Variants in ARL8A observed in about 807,000 individuals in gnomAD.
The protein encoded by ARL8A is ARF like GTPase 8A.
In ARL8A, 10 loss-of-function variants were observed where a neutral mutation model predicts 31.2. The ratio of observed to expected loss-of-function variants is 0.32; its 90% CI spans 0.20 to 0.54. The LOEUF is 0.54. Among genes scored for constraint, ARL8A ranks in the 20% least tolerant of loss-of-function variants. The pLI, the probability that ARL8A is intolerant of heterozygous loss-of-function variation, is 0.93. For missense variants in ARL8A, 129 were observed against 242.8 expected (o/e 0.53, Z 3.12); for synonymous variants, 70 against 86.9 (o/e 0.81, Z 1.08).
In ARL8A at chr1:202,135,450, C is replaced by T; in HGVS notation, c.440+9G>A. Reference sequence around the variant, plus strand: ...AGAGCAGAAAGTAATATAGAGTCACCCAACTCACATTTTCTCAATCAGCTC... The same window carrying T: ...AGAGCAGAAAGTAATATAGAGTCACTCAACTCACATTTTCTCAATCAGCTC... On this transcript the variant is annotated intron_variant, in intron 5 of 6. Transcript: ENST00000272217. This position sits in a 1 kb window ranked among gnomAD's most constrained non-coding sequence, Gnocchi z 5.3. 1 of 1,613,646 alleles carries T rather than the reference C, an allele frequency of 6.2e-7. No homozygotes were observed. The highest frequency in any genetic ancestry group is 8.5e-7 in the Non-Finnish European group (1 of 1,179,638).
In ARL8A at chr1:202,134,147, G is replaced by A. The variant is rs950766362; in HGVS notation, c.*320C>T. The A allele has an allele frequency of 1.2e-4, 49 of 397,204 alleles. 1 individual carries two copies. Among genetic ancestry groups the A allele is most frequent in the Middle Eastern group, 7.4e-4 (1 of 1,348 alleles). 24.6% of individuals were successfully genotyped at this position (397,204 alleles called of 1,614,324 possible). A position where few individuals can be genotyped will look rare whatever the true frequency, so the allele number is the denominator to read the frequency against. On this transcript the variant is annotated 3_prime_UTR_variant, in exon 7 of 7. Coordinates refer to ENST00000272217, the MANE Select transcript of ARL8A (RefSeq NM_138795.4). This position sits in a 1 kb window ranked among gnomAD's most constrained non-coding sequence, Gnocchi z 4.2. ...GGACAATAACAGAGAGTGTTGAAAA[G>A]GGAGGTACAAGAGCGGGCCGGGGAA...
At chr1:202,139,518 A>T (rs1387470383) in intron 1 of ARL8A, among the ~76,000 whole-genome samples, 1 of 149,052 alleles carries the variant, frequency 6.7e-6, no homozygotes, top group Non-Finnish European at 1.5e-5. Context: ...GGTTGCAGTG[A>T]GCCGAGATCA....
chr1:202,140,812 C>T (rs1263699597), intron 1 of ARL8A, among the ~76,000 whole-genome samples: 1 of 152,164 alleles, frequency 6.6e-6, no homozygotes, highest in Non-Finnish European at 1.5e-5. Flanking sequence ...TACCCCATCC[C>T]CAACAATAGA....
chr1:202,134,529 A>C lies in ARL8A; in HGVS notation c.512-13T>G, dbSNP rs1320058512. 1.2e-6 allele frequency: 2 copies of C among 1,611,454 alleles called. No individual in the cohort carries two copies. Among genetic ancestry groups the C allele is most frequent in the African/African-American group, 2.7e-5 (2 of 74,806 alleles). ...TGTAGGGTGATGTCTGATAGGAGAA[A>C]AGAGAACAGCTTATAAGGCCTGCAA... On this transcript the variant is annotated splice_polypyrimidine_tract_variant and intron_variant, in intron 6 of 6. Transcript: ENST00000272217. This position sits in a 1 kb window ranked among gnomAD's most constrained non-coding sequence, Gnocchi z 4.2.
At position 202,144,504 on chromosome 1, in the gene ARL8A, G is replaced by A. The variant is rs746816834; in HGVS notation, c.69C>T (p.Leu23=). ...KALFWKEEME[L]TLVGLQYSGK... The stretch of plus-strand genomic sequence containing the variant: ...CCGAGTACTGAAGCCCGACCAGCGT[G>A]AGCTCCATCTCCTCCTTCCAGAATA... Residue 23 remains leucine, a synonymous_variant, in exon 1 of 7, where the codon CTC becomes CTT. Transcript: ENST00000272217. This position sits in a 1 kb window ranked among gnomAD's most constrained non-coding sequence, Gnocchi z 5.2. The A allele has an allele frequency of 8.8e-6, 13 of 1,485,212 alleles. No individual in the cohort carries two copies. Among genetic ancestry groups the A allele is most frequent in the Admixed American group, 3.7e-5 (2 of 54,276 alleles). 92.0% of individuals were successfully genotyped at this position (1,485,212 alleles called of 1,614,324 possible).
chr1:202,137,726 G>T (rs1260471973), intron 3 of ARL8A, among the ~76,000 whole-genome samples: 2 of 152,212 alleles, frequency 1.3e-5, no homozygotes, highest in African/African-American at 4.8e-5. Flanking sequence ...AGGATGCACA[G>T]GTGCATCTGG....
chr1:202,137,158 T>C (rs1025543883), intron 3 of ARL8A, among the ~76,000 whole-genome samples: 1 of 146,026 alleles, frequency 6.8e-6, no homozygotes, highest in Non-Finnish European at 1.5e-5. Flanking sequence ...GCCCAGCCCA[T>C]GCCCTGCCAT....
rs377284335 is a variant in ARL8A, at chr1:202,138,616, C to A, written c.124-168G>T. ...TTCAGGCAGGATGGGCTATCACCAA[C>A]CTATGTGTCCCGCCTACACCTGGGG... On this transcript the variant is annotated intron_variant, in intron 1 of 6. Transcript: ENST00000272217. The surrounding 1 kb of genome is among the most constrained non-coding windows in gnomAD (Gnocchi z 4.4). Among the ~76,000 whole-genome samples, 114 of 152,160 alleles carry A rather than the reference C, an allele frequency of 7.5e-4. No individual in the cohort carries two copies. The highest frequency in any genetic ancestry group is 1.4e-3 in the Non-Finnish European group (98 of 68,030).
rs774324221 is a variant in ARL8A at position 202,138,437 on chromosome 1, G to A, written c.135C>T (p.Phe45=). The part of the protein sequence containing the change: ...TFVNVIASGQ[F]NEDMIPTVGF... The stretch of plus-strand genomic sequence containing the variant: ...CCACGGTGGGGATCATGTCCTCGTT[G>A]AACTGTCCTGACTGGAAAGAAGACT... The change falls in exon 2 of 7, where the codon TTC becomes TTT. Residue 45 remains phenylalanine (F), a synonymous_variant. Coordinates refer to ENST00000272217, the MANE Select transcript of ARL8A (RefSeq NM_138795.4). The surrounding 1 kb of genome is among the most constrained non-coding windows in gnomAD (Gnocchi z 4.4). 5.6e-6 allele frequency: 9 copies of A among 1,613,906 alleles called. No homozygotes were observed. Among genetic ancestry groups the A allele is most frequent in the Non-Finnish European group, 7.6e-6 (9 of 1,179,904 alleles).
At position 202,135,540 on chromosome 1, in the gene ARL8A, A is replaced by C. The variant is rs1395102446; in HGVS notation, c.373-14T>G. 1.9e-6 allele frequency: 3 copies of C among 1,613,718 alleles called. No individual in the cohort carries two copies. The highest frequency in any genetic ancestry group is 2.5e-6 in the Non-Finnish European group (3 of 1,179,852). On this transcript the variant is annotated splice_polypyrimidine_tract_variant and intron_variant, in intron 4 of 6. Coordinates refer to ENST00000272217, the MANE Select transcript of ARL8A (RefSeq NM_138795.4). The surrounding 1 kb of genome is among the most constrained non-coding windows in gnomAD (Gnocchi z 5.3). ...CAGGACTAAGACCTACGGAGAAGGG[A>C]GGGTGAGGATGAGGTCTAGGGCAGC... is the stretch of plus-strand genomic sequence containing the variant.
chr1:202,140,152 C>T (rs904686223), intron 1 of ARL8A, among the ~76,000 whole-genome samples: 44 of 149,190 alleles, frequency 2.9e-4, no homozygotes, highest in African/African-American at 9.8e-4. Flanking sequence ...TTTTTTGAGA[C>T]GGAGTCTCAC....
intron 1 of ARL8A, among the ~76,000 whole-genome samples, chr1:202,141,992 C>T (rs907925122): frequency 6.6e-6 from 1 of 152,116 alleles, no homozygotes; most frequent in Non-Finnish European, 1.5e-5. Context: ...CTCAGCCTCC[C>T]AAGTAGCTGG....
chr1:202,143,590 C>A (rs557118750), intron 1 of ARL8A, among the ~76,000 whole-genome samples: 1 of 152,220 alleles, frequency 6.6e-6, no homozygotes, highest in African/African-American at 2.4e-5. Context: ...ACCCATGGAG[C>A]TCATCTTCCC....
chr1:202,138,164 C>T lies in ARL8A; in HGVS notation c.205-126G>A, dbSNP rs967844193. On this transcript the variant is annotated intron_variant, in intron 2 of 6. Coordinates refer to ENST00000272217, the MANE Select transcript of ARL8A (RefSeq NM_138795.4). The surrounding 1 kb of genome is among the most constrained non-coding windows in gnomAD (Gnocchi z 4.4). ...CCTCCCCGGCTTCCTCTCCAGTTCT[C>T]CCCCGTCTCCACCCGCTCTCCGTCT... The T allele has an allele frequency of 2.5e-6, 3 of 1,208,412 alleles. No individual in the cohort carries two copies. The highest frequency in any genetic ancestry group is 1.5e-5 in the African/African-American group (1 of 66,494). 74.9% of individuals were successfully genotyped at this position (1,208,412 alleles called of 1,614,324 possible).
rs1654967688 is a variant in ARL8A at position 202,135,058 on chromosome 1, C to A, written c.511+92G>T. 1.1e-5 allele frequency: 14 copies of A among 1,332,612 alleles called. No individual in the cohort carries two copies. Among genetic ancestry groups the A allele is most frequent in the Admixed American group, 1.7e-5 (1 of 57,534 alleles). The allele number at this position is 1,332,612 out of a possible 1,614,324, so 82.5% of individuals were successfully genotyped here. A position where few individuals can be genotyped will look rare whatever the true frequency, so the allele number is the denominator to read the frequency against. The stretch of plus-strand genomic sequence containing the variant: ...TACCCAAGAGCCACAGGGCTTTGGA[C>A]TTCAGGGAAAGTTGTGGAGCGAGAA... On this transcript the variant is annotated intron_variant, in intron 6 of 6. Transcript: ENST00000272217. This position sits in a 1 kb window ranked among gnomAD's most constrained non-coding sequence, Gnocchi z 5.3.
chr1:202,139,701 A>G (rs1655117084), intron 1 of ARL8A, among the ~76,000 whole-genome samples: 1 of 116,872 alleles, frequency 8.6e-6, no homozygotes, highest in Non-Finnish European at 1.6e-5. Context: ...GCTGGAGTGC[A>G]GTGATGTGAT....
intron 3 of ARL8A, among the ~76,000 whole-genome samples, chr1:202,136,561 G>T (rs924584187): frequency 2.0e-5 from 3 of 151,872 alleles, no homozygotes; most frequent in African/African-American, 7.3e-5. Flanking sequence ...TTACAGGCAT[G>T]AGCCACCGCA....
intron 3 of ARL8A, among the ~76,000 whole-genome samples, chr1:202,136,812 G>A (rs931178954): frequency 7.2e-5 from 11 of 152,160 alleles, no homozygotes; most frequent in Admixed American, 5.9e-4. Context: ...CAAGTAATCC[G>A]TCTGCCTTGG....
intron 1 of ARL8A, among the ~76,000 whole-genome samples, chr1:202,143,929 C>A (rs1655231341): frequency 6.6e-6 from 1 of 152,238 alleles, no homozygotes; most frequent in Non-Finnish European, 1.5e-5. Flanking sequence ...TACCTCCCCT[C>A]CCCCTCAATA....
Sources: allele counts gnomAD v4.1 joint callset (sites outside exome capture counted in the v4.1 genomes callset), GRCh38; gene constraint gnomAD v4.1.1; non-coding constraint Gnocchi (gnomAD v3.1); transcripts MANE v1.5; gene names NCBI Gene and HGNC (gene_info 2026-07-23, HGNC 2026-07-21).